The following PTRH1 variants were observed in gnomAD, a reference collection of about 807,000 sequenced individuals.
PTRH1 encodes the protein peptidyl-tRNA hydrolase.
Under a neutral mutation model 15.7 loss-of-function variants are expected in PTRH1, and 13 were observed. The observed-to-expected ratio is 0.83, with a 90% CI of 0.54 to 1.31. The LOEUF (loss-of-function observed/expected upper bound fraction) is 1.31, where lower values mean the gene tolerates loss of function less well. PTRH1 is among the 40% of genes most tolerant of loss of function. The probability of loss-of-function intolerance (pLI) is 0.00; values close to 1 mark genes in which losing one functional copy is unlikely to be tolerated. For missense variants in PTRH1, 319 were observed against 296.2 expected (o/e 1.08, Z -0.56); for synonymous variants, 139 against 136.7 (o/e 1.02, Z -0.12).
downstream of PTRH1, chr9:127,709,687 A>G: frequency 6.2e-7 from 1 of 1,612,722 alleles, no homozygotes; most frequent in Non-Finnish European, 8.5e-7. The surrounding 1 kb of genome is among the most constrained non-coding windows in gnomAD (Gnocchi z 4.7). Flanking sequence ...GGAGAACATC[A>G]TCCTTGGTGA....
downstream of PTRH1, chr9:127,710,871 G>A (rs954292706): frequency 1.0e-5 from 12 of 1,187,348 alleles, no homozygotes; most frequent in Admixed American, 2.4e-5. Context: ...ACTGACCGCC[G>A]CCCCGACAAC....
rs1483040810 is a variant in PTRH1, at chr9:127,715,302, C to T, written c.97-108G>A. 2 of 1,358,708 alleles carry T rather than the reference C, an allele frequency of 1.5e-6. No individual in the cohort carries two copies. The highest frequency in any genetic ancestry group is 2.5e-5 in the East Asian group (1 of 40,084). The allele number at this position is 1,358,708 out of a possible 1,614,324, so 84.2% of individuals were successfully genotyped here. The stretch of plus-strand genomic sequence containing the variant: ...GGAGCGGAAACGCAGAGCAACGCTG[C>T]AGTGGGGAAGGGGCGCGAAGAAGGG... On this transcript the variant is annotated intron_variant, in intron 1 of 4. Transcript: ENST00000543175. The surrounding 1 kb of genome is among the most constrained non-coding windows in gnomAD (Gnocchi z 5.8).
downstream of PTRH1, chr9:127,712,781 CTGCT>C: frequency 6.2e-7 from 1 of 1,614,212 alleles, no homozygotes; most frequent in Non-Finnish European, 8.5e-7. Flanking sequence ...GCTGCAGCAA[CTGCT>C]GGTCATGCTC....
chr9:127,712,255 G>T (rs200919866), downstream of PTRH1: 46 of 1,613,850 alleles, frequency 2.9e-5, no homozygotes, highest in Middle Eastern at 1.6e-4. Context: ...GATTTGCAGC[G>T]GCTACAGCAG....
At chr9:127,711,243 T>TCATCCAGC, downstream of PTRH1, 3 of 1,613,890 alleles carry the variant, frequency 1.9e-6, no homozygotes, top group Non-Finnish European at 1.7e-6. Flanking sequence ...AGGAAAGAGA[T>TCATCCAGC]CATCCAGCGC....
intron 1 of PTRH1, among the ~76,000 whole-genome samples, chr9:127,708,294 T>C (rs1357400860): frequency 6.6e-6 from 1 of 152,010 alleles, no homozygotes; most frequent in Non-Finnish European, 1.5e-5. Context: ...CTGACCAACA[T>C]GTTGAAGCCC....
downstream of PTRH1, chr9:127,712,098 G>T: frequency 6.6e-7 from 1 of 1,525,680 alleles, no homozygotes; most frequent in Non-Finnish European, 8.8e-7. Flanking sequence ...CGGGATGGGG[G>T]CCCCTGTGGG....
chr9:127,707,650 TAA>T (rs1842677060), intron 1 of PTRH1, among the ~76,000 whole-genome samples: 2 of 152,172 alleles, frequency 1.3e-5, no homozygotes, highest in East Asian at 1.9e-4. Context: ...TCCCCAAATA[TAA>T]GTGGGGAAGG....
chr9:127,709,494 T>C, downstream of PTRH1: 1 of 1,613,978 alleles, frequency 6.2e-7, no homozygotes, highest in Non-Finnish European at 8.5e-7. This position sits in a 1 kb window ranked among gnomAD's most constrained non-coding sequence, Gnocchi z 4.7. Flanking sequence ...AGCTGGCCAA[T>C]AACAAGAAGG....
chr9:127,714,570 C>T (rs1481275935), intron 3 of PTRH1, 33 bp downstream of exon 3: 1 of 1,606,310 alleles, frequency 6.2e-7, no homozygotes, highest in South Asian at 1.1e-5. Context: ...GGCCTGAAGC[C>T]CTATCCCAAC....
chr9:127,707,284 C>G, intron 1 of PTRH1: 1 of 1,417,176 alleles, frequency 7.1e-7, no homozygotes, highest in Non-Finnish European at 9.6e-7. Context: ...GGGCCTTAGG[C>G]CTGTGTTCTG....
downstream of PTRH1, chr9:127,711,256 G>A (rs61317214): frequency 2.6e-3 from 4,127 of 1,614,114 alleles, 106 homozygotes; most frequent in African/African-American, 0.051. Flanking sequence ...TCCAGCGCGT[G>A]AACCTCGTGG....
intron 1 of PTRH1, among the ~76,000 whole-genome samples, chr9:127,703,301 C>T (rs1195919913): frequency 6.6e-6 from 1 of 151,914 alleles, no homozygotes; most frequent in African/African-American, 2.4e-5. Context: ...CAAAAATTAG[C>T]TGGGTATGGT....
chr9:127,698,485 T>C (rs1842579070), intron 1 of PTRH1, among the ~76,000 whole-genome samples: 1 of 151,974 alleles, frequency 6.6e-6, no homozygotes, highest in South Asian at 2.1e-4. Context: ...CAGGAGTTCA[T>C]GGCCAGCCTG....
downstream of PTRH1, chr9:127,709,293 G>A: frequency 1.1e-6 from 1 of 940,594 alleles, no homozygotes; most frequent in Non-Finnish European, 1.6e-6. The surrounding 1 kb of genome is among the most constrained non-coding windows in gnomAD (Gnocchi z 4.7). Context: ...AGATGAGGCT[G>A]GATTCTGATC....
chr9:127,707,170 G>T, intron 1 of PTRH1: 1 of 1,612,980 alleles, frequency 6.2e-7, no homozygotes, highest in South Asian at 1.1e-5. Context: ...CCAGATCCGA[G>T]ACCTGGAGGA....
intron 2 of PTRH1, 23 bp downstream of exon 2, chr9:127,714,952 C>T: frequency 2.2e-6 from 2 of 900,254 alleles, no homozygotes; most frequent in Non-Finnish European, 1.6e-6. Flanking sequence ...CCCGCCCGCC[C>T]ACCCCTGGCG....
At chr9:127,703,491 G>C (rs765756276) in intron 1 of PTRH1, among the ~76,000 whole-genome samples, 1 of 152,084 alleles carries the variant, frequency 6.6e-6, no homozygotes, top group Non-Finnish European at 1.5e-5. Flanking sequence ...GGGAAAGAGA[G>C]AGAAAGAGAA....
At chr9:127,703,511 T>TA (rs1283370010) in intron 1 of PTRH1, among the ~76,000 whole-genome samples, 1 of 151,982 alleles carries the variant, frequency 6.6e-6, no homozygotes, top group Non-Finnish European at 1.5e-5. Flanking sequence ...AAGAGTCAAT[T>TA]ACGCTATTTA....
Sources: allele counts gnomAD v4.1 joint callset (sites outside exome capture counted in the v4.1 genomes callset), GRCh38; gene constraint gnomAD v4.1.1; non-coding constraint Gnocchi (gnomAD v3.1); transcripts MANE v1.5; gene names NCBI Gene and HGNC (gene_info 2026-07-23, HGNC 2026-07-21).